The following ARHGEF38 variants were observed in gnomAD, a reference collection of about 807,000 sequenced individuals.
The protein encoded by ARHGEF38 is Rho guanine nucleotide exchange factor 38.
A neutral mutation model predicts 79.9 loss-of-function variants in ARHGEF38; 79 were observed. The observed-to-expected ratio is 0.99, with a 90% CI of 0.82 to 1.19. The LOEUF (loss-of-function observed/expected upper bound fraction) is 1.19. Among genes scored for constraint, ARHGEF38 ranks in the 50% most tolerant of loss-of-function variants. The pLI is 0.00. For missense variants in ARHGEF38, 962 were observed against 907.2 expected (o/e 1.06, Z -0.78); for synonymous variants, 366 against 328.3 (o/e 1.11, Z -1.24).
At chr4:105,675,976 A>G (rs575771511) in intron 13 of ARHGEF38, among the ~76,000 whole-genome samples, 18 of 152,338 alleles carry the variant, frequency 1.2e-4, no homozygotes, top group African/African-American at 4.3e-4. Context: ...GGAAACAAAC[A>G]TTCAGTCCAT....
intron 1 of ARHGEF38, among the ~76,000 whole-genome samples, chr4:105,557,808 T>G (rs893100783): frequency 6.6e-6 from 1 of 152,082 alleles, no homozygotes; most frequent in Non-Finnish European, 1.5e-5. Context: ...CCACCTAATC[T>G]CTAATATATT....
chr4:105,666,138 A>G, intron 10 of ARHGEF38, 39 bp from the exon 11 acceptor site: 1 of 1,484,456 alleles, frequency 6.7e-7, no homozygotes, highest in South Asian at 1.4e-5. Context: ...ATGATTATCT[A>G]GGTGTCTGGA....
chr4:105,670,021 T>G (rs1730906985), intron 13 of ARHGEF38, among the ~76,000 whole-genome samples: 1 of 152,238 alleles, frequency 6.6e-6, no homozygotes, highest in Admixed American at 6.5e-5. Context: ...GTATATTTTG[T>G]TAATCCACTC....
chr4:105,565,716 A>C (rs1049306598), intron 1 of ARHGEF38, among the ~76,000 whole-genome samples: 3 of 152,028 alleles, frequency 2.0e-5, no homozygotes, highest in African/African-American at 7.2e-5. Context: ...TCCTTTTTTT[A>C]TATAATGAGA....
chr4:105,578,638 G>T (rs528515302), intron 1 of ARHGEF38, among the ~76,000 whole-genome samples: 1 of 152,044 alleles, frequency 6.6e-6, no homozygotes, highest in East Asian at 1.9e-4. Flanking sequence ...TCTTCCTGTC[G>T]AAATTATCCT....
intron 6 of ARHGEF38, among the ~76,000 whole-genome samples, chr4:105,647,556 A>G (rs567160932): frequency 6.6e-6 from 1 of 152,338 alleles, no homozygotes; most frequent in African/African-American, 2.4e-5. Flanking sequence ...TTGATTATGG[A>G]AAGCAGATTC....
At chr4:105,577,643 T>C (rs1726571715) in intron 1 of ARHGEF38, among the ~76,000 whole-genome samples, 1 of 152,092 alleles carries the variant, frequency 6.6e-6, no homozygotes, top group African/African-American at 2.4e-5. Context: ...TATTTCTTCC[T>C]GACTTAATCT....
At position 105,667,128 on chromosome 4, in the gene ARHGEF38, G is replaced by A; in HGVS notation, c.1690-1G>A. 1 of 1,528,668 alleles carries A rather than the reference G, an allele frequency of 6.5e-7. No individual in the cohort carries two copies. Among genetic ancestry groups the A allele is most frequent in the Non-Finnish European group, 8.8e-7 (1 of 1,141,708 alleles). 94.7% of individuals were successfully genotyped at this position (1,528,668 alleles called of 1,614,324 possible). ...CCAAAACTTCTCCTTATTTCTCCCA[G>A]CCAGAAATGCCACATCAAACTGACA... On this transcript the variant is annotated splice_acceptor_variant, in intron 11 of 13. Transcript: ENST00000420470. LOFTEE classifies it high-confidence loss of function.
intron 5 of ARHGEF38, among the ~76,000 whole-genome samples, chr4:105,642,381 C>A (rs185806263): frequency 6.6e-6 from 1 of 152,018 alleles, no homozygotes; most frequent in Admixed American, 6.6e-5. Context: ...TTAGGAGAAA[C>A]AACAATCATG....
chr4:105,578,480 A>C (rs1419714659), intron 1 of ARHGEF38, among the ~76,000 whole-genome samples: 1 of 151,914 alleles, frequency 6.6e-6, no homozygotes, highest in African/African-American at 2.4e-5. Flanking sequence ...TTCTTTGTTG[A>C]CTTTCTGTCT....
intron 4 of ARHGEF38, among the ~76,000 whole-genome samples, chr4:105,635,770 A>G (rs1044751354): frequency 2.0e-5 from 3 of 152,032 alleles, no homozygotes; most frequent in Non-Finnish European, 2.9e-5. Context: ...ACAGTCGTGA[A>G]TAATTGCCTA....
intron 1 of ARHGEF38, among the ~76,000 whole-genome samples, chr4:105,557,598 TA>T (rs61065334): frequency 0.67 from 91,406 of 137,060 alleles, 31,472 homozygotes; most frequent in Non-Finnish European, 0.79. Flanking sequence ...TAGTGACCCT[TA>T]AAAAAAAAAA....
intron 8 of ARHGEF38, among the ~76,000 whole-genome samples, chr4:105,654,851 A>G (rs1306298313): frequency 6.6e-6 from 1 of 152,346 alleles, no homozygotes; most frequent in African/African-American, 2.4e-5. Context: ...TAGTAGTGTT[A>G]CATGTAAATC....
At chr4:105,563,745 C>T (rs1725751680) in intron 1 of ARHGEF38, among the ~76,000 whole-genome samples, 1 of 152,182 alleles carries the variant, frequency 6.6e-6, no homozygotes, top group Non-Finnish European at 1.5e-5. Flanking sequence ...GAACAATACT[C>T]ACAAGCATCA....
chr4:105,598,055 G>A (rs573849174), intron 2 of ARHGEF38, among the ~76,000 whole-genome samples: 19 of 151,726 alleles, frequency 1.3e-4, no homozygotes, highest in Non-Finnish European at 2.2e-4. Context: ...TAGAGACTAC[G>A]TTTAAGAATA....
At chr4:105,564,683 C>A (rs960036576) in intron 1 of ARHGEF38, among the ~76,000 whole-genome samples, 1 of 151,994 alleles carries the variant, frequency 6.6e-6, no homozygotes, top group Non-Finnish European at 1.5e-5. Context: ...GTTTGGCGGC[C>A]CTTGGTTTAC....
intron 1 of ARHGEF38, among the ~76,000 whole-genome samples, chr4:105,554,555 T>A (rs1725167129): frequency 6.6e-6 from 1 of 152,224 alleles, no homozygotes; most frequent in Admixed American, 6.5e-5. Flanking sequence ...CTTCTGGCTG[T>A]GTAGTATTCC....
At chr4:105,570,962 A>G (rs902481410) in intron 1 of ARHGEF38, among the ~76,000 whole-genome samples, 6 of 152,222 alleles carry the variant, frequency 3.9e-5, no homozygotes, top group African/African-American at 7.2e-5. Context: ...TATGAAGTAC[A>G]TACTAGTCAT....
chr4:105,604,227 T>C (rs1727945939), intron 2 of ARHGEF38, among the ~76,000 whole-genome samples: 1 of 152,158 alleles, frequency 6.6e-6, no homozygotes, highest in Admixed American at 6.5e-5. Context: ...TTAACTTAGA[T>C]GTCATGATCA....
Sources: allele counts gnomAD v4.1 joint callset (sites outside exome capture counted in the v4.1 genomes callset), GRCh38; gene constraint gnomAD v4.1.1; transcripts MANE v1.5; gene names NCBI Gene and HGNC (gene_info 2026-07-23, HGNC 2026-07-21).